PLCB4: variants seen among roughly 807,000 people sequenced by gnomAD.
PLCB4 encodes 1-phosphatidylinositol 4,5-bisphosphate phosphodiesterase beta-4.
In PLCB4, 77 loss-of-function variants were observed where a neutral mutation model predicts 178.8. The ratio of observed to expected loss-of-function variants is 0.43; its 90% confidence interval spans 0.36 to 0.52. The LOEUF (loss-of-function observed/expected upper bound fraction) is 0.52, where lower values mean the gene tolerates loss of function less well. Ranked by LOEUF, PLCB4 falls within the 20% of genes least tolerant of loss-of-function variation. The probability of loss-of-function intolerance (pLI) is 0.00; values close to 1 mark genes in which losing one functional copy is unlikely to be tolerated. For synonymous variants in PLCB4, 496 were observed against 490.8 expected (o/e 1.01, Z -0.14); for missense variants, 1,024 against 1,453.4 (o/e 0.70, Z 4.80).
intron 2 of PLCB4, among the ~76,000 whole-genome samples, chr20:9,132,870 C>T (rs1157369395): frequency 1.3e-5 from 2 of 152,162 alleles, no homozygotes; most frequent in Non-Finnish European, 2.9e-5. Flanking sequence ...ATTGACTATA[C>T]TTGGGCACTA....
At chr20:9,249,677 G>A (rs1283851516) in intron 3 of PLCB4, among the ~76,000 whole-genome samples, 1 of 152,050 alleles carries the variant, frequency 6.6e-6, no homozygotes, top group Admixed American at 6.5e-5. Context: ...TGGGCATTAG[G>A]AAATGGCTGT....
At chr20:9,119,395 A>T (rs2091886688) in intron 2 of PLCB4, among the ~76,000 whole-genome samples, 1 of 152,144 alleles carries the variant, frequency 6.6e-6, no homozygotes, top group Non-Finnish European at 1.5e-5. Flanking sequence ...TGGGAAATGA[A>T]AGTTTTGTAA....
chr20:9,407,850 C>T lies in PLCB4; in HGVS notation c.1648-67C>T. The stretch of plus-strand genomic sequence containing the variant: ...GTGCAATTATCTTTATTAAGGAAAT[C>T]TGCAGCACGTATCCGTGGGTCCTAC... On this transcript the variant is annotated intron_variant, in intron 21 of 39. Coordinates refer to ENST00000378473, the MANE Select transcript of PLCB4 (RefSeq NM_001377142.1). 2.2e-6 allele frequency: 3 copies of T among 1,360,944 alleles called. No homozygotes were observed. The South Asian group carries it at 4.2e-5, about 19-fold the overall frequency. 84.3% of individuals were successfully genotyped at this position (1,360,944 alleles called of 1,614,324 possible).
At chr20:9,451,483 A>G (rs1394500644) in intron 32 of PLCB4, among the ~76,000 whole-genome samples, 1 of 152,194 alleles carries the variant, frequency 6.6e-6, no homozygotes, top group African/African-American at 2.4e-5. Context: ...AAATTAACAC[A>G]TGGGTTAGCC....
At chr20:9,093,166 A>G (rs1010917075) in intron 1 of PLCB4, among the ~76,000 whole-genome samples, 2 of 152,226 alleles carry the variant, frequency 1.3e-5, no homozygotes, top group Admixed American at 6.5e-5. Flanking sequence ...TCCTCATATT[A>G]TGGCTGCATG....
chr20:9,263,395 A>T (rs1026335821), intron 3 of PLCB4, among the ~76,000 whole-genome samples: 1 of 152,186 alleles, frequency 6.6e-6, no homozygotes, highest in Admixed American at 6.5e-5. Flanking sequence ...CTTTTCTACC[A>T]ACAAGAATAT....
chr20:9,407,048 A>ATC (rs1040144921), intron 21 of PLCB4, among the ~76,000 whole-genome samples: 3 of 152,168 alleles, frequency 2.0e-5, no homozygotes, highest in Admixed American at 1.3e-4. Context: ...TACTTTTAAG[A>ATC]TTAAGTGCTT....
chr20:9,418,262 C>G (rs1002378778), intron 25 of PLCB4, among the ~76,000 whole-genome samples: 3 of 152,036 alleles, frequency 2.0e-5, no homozygotes, highest in Non-Finnish European at 4.4e-5. Flanking sequence ...CTTATGGCTT[C>G]TTTTAGGAAT....
At chr20:9,097,951 A>G (rs2090981741) in intron 2 of PLCB4, among the ~76,000 whole-genome samples, 1 of 152,190 alleles carries the variant, frequency 6.6e-6, no homozygotes, top group Non-Finnish European at 1.5e-5. Context: ...CCACCCGTGT[A>G]AATTTGGCAT....
At chr20:9,113,054 G>A (rs1263481722) in intron 2 of PLCB4, among the ~76,000 whole-genome samples, 2 of 152,094 alleles carry the variant, frequency 1.3e-5, no homozygotes, top group African/African-American at 4.8e-5. Context: ...AGGAGGTGAA[G>A]GAATGGCGGT....
At chr20:9,436,446 G>T (rs2041775688) in intron 29 of PLCB4, among the ~76,000 whole-genome samples, 1 of 152,096 alleles carries the variant, frequency 6.6e-6, no homozygotes, top group African/African-American at 2.4e-5. Flanking sequence ...TAAACTTCTG[G>T]GCTCAAGCCA....
chr20:9,293,738 A>G (rs2094604815), intron 3 of PLCB4, among the ~76,000 whole-genome samples: 1 of 152,168 alleles, frequency 6.6e-6, no homozygotes, highest in Admixed American at 6.5e-5. Flanking sequence ...ATACAGATAA[A>G]CAAATAGCTG....
chr20:9,105,184 A>G (rs2091316800), intron 2 of PLCB4, among the ~76,000 whole-genome samples: 1 of 152,118 alleles, frequency 6.6e-6, no homozygotes, highest in African/African-American at 2.4e-5. Context: ...TGATGATTTA[A>G]TTACCAAGCA....
chr20:9,198,198 A>T (rs1157879245), intron 2 of PLCB4, among the ~76,000 whole-genome samples: 3 of 152,172 alleles, frequency 2.0e-5, no homozygotes, highest in Non-Finnish European at 2.9e-5. Flanking sequence ...CTTTGTTTTA[A>T]GTCAGTATTT....
intron 3 of PLCB4, among the ~76,000 whole-genome samples, chr20:9,254,573 C>T (rs988898206): frequency 2.0e-5 from 3 of 152,092 alleles, no homozygotes; most frequent in African/African-American, 7.2e-5. Flanking sequence ...TGTTGCATGC[C>T]TGTAATCCCA....
intron 26 of PLCB4, among the ~76,000 whole-genome samples, chr20:9,420,543 G>A (rs1030313671): frequency 6.6e-6 from 1 of 152,014 alleles, no homozygotes; most frequent in African/African-American, 2.4e-5. Flanking sequence ...TGGCCAGGCT[G>A]TTCTCAAACT....
intron 4 of PLCB4, among the ~76,000 whole-genome samples, chr20:9,315,293 T>C (rs2094886579): frequency 1.3e-5 from 2 of 152,180 alleles, no homozygotes; most frequent in African/African-American, 2.4e-5. Flanking sequence ...TTGAGTACAG[T>C]TGGCCCTTTA....
intron 2 of PLCB4, among the ~76,000 whole-genome samples, chr20:9,097,365 G>A (rs2090958021): frequency 6.6e-6 from 1 of 151,700 alleles, no homozygotes; most frequent in Non-Finnish European, 1.5e-5. Context: ...AGTGCCTGTG[G>A]AGACTGGGAA....
At chr20:9,453,153 C>G (rs995275217) in intron 32 of PLCB4, among the ~76,000 whole-genome samples, 194 bp from the exon 33 acceptor site, 1 of 152,126 alleles carries the variant, frequency 6.6e-6, no homozygotes, top group African/African-American at 2.4e-5. Context: ...CTAGAGACTC[C>G]CATGTTGGGA....
Sources: gnomAD v4.1 joint callset for allele counts (sites outside exome capture counted in the v4.1 genomes callset) on GRCh38, gnomAD v4.1.1 for gene constraint, MANE v1.5 for transcripts, NCBI Gene and HGNC (gene_info 2026-07-23, HGNC 2026-07-21) for gene names.